The following PTPRQ variants were observed in gnomAD, a reference collection of about 807,000 sequenced individuals.
PTPRQ encodes protein tyrosine phosphatase receptor type Q, also known as phosphatidylinositol phosphatase PTPRQ.
In PTPRQ, 199 loss-of-function variants were observed where a neutral mutation model predicts 246.0. The observed-to-expected ratio is 0.81, with a 90% confidence interval of 0.72 to 0.91. The LOEUF (loss-of-function observed/expected upper bound fraction) is 0.91, where lower values mean the gene tolerates loss of function less well. Among genes scored for constraint, PTPRQ ranks in the 40% least tolerant of loss-of-function variants. PTPRQ has a pLI of 0.00. For synonymous variants in PTPRQ, 869 were observed against 853.2 expected (o/e 1.02, Z -0.32); for missense variants, 2,624 against 2,528.4 (o/e 1.04, Z -0.81).
chr12:80,588,425 T>C lies in PTPRQ; in HGVS notation c.4582T>C (p.Trp1528Arg), dbSNP rs1897688959. 2 of 1,492,830 alleles carry C rather than the reference T, an allele frequency of 1.3e-6. No individual in the cohort carries two copies. The highest frequency in any genetic ancestry group is 2.5e-5 in the East Asian group (1 of 40,444). The allele number at this position is 1,492,830 out of a possible 1,614,324, so 92.5% of individuals were successfully genotyped here. ...TGCTGGCTATGGCAATGCTTCAAAC[T>C]GGATTTCTACAAAAACTCTGCCTGG... is the stretch of plus-strand genomic sequence containing the variant. ...TNAGYGNASN[W>R]ISTKTLPGPP... The change falls in exon 26 of 45, where the codon TGG (tryptophan) becomes CGG (arginine). Residue 1528 changes from tryptophan (W) to arginine (R), a missense_variant. By Grantham distance (101) the Trp-to-Arg change is moderately radical. Coordinates refer to ENST00000644991, the MANE Select transcript of PTPRQ (RefSeq NM_001145026.2).
chr12:80,477,802 G>A (rs1270903050), intron 8 of PTPRQ, among the ~76,000 whole-genome samples: 4 of 152,186 alleles, frequency 2.6e-5, no homozygotes, highest in Non-Finnish European at 4.4e-5. Flanking sequence ...ACTCCGACCC[G>A]AATACTGCGC....
At chr12:80,469,645 A>G (rs1893560987) in intron 7 of PTPRQ, among the ~76,000 whole-genome samples, 1 of 152,210 alleles carries the variant, frequency 6.6e-6, no homozygotes, top group Admixed American at 6.5e-5. Flanking sequence ...TGAATCACTC[A>G]TCACCATCAT....
intron 4 of PTPRQ, among the ~76,000 whole-genome samples, chr12:80,458,640 C>T (rs1021309389): frequency 2.0e-5 from 3 of 151,772 alleles, no homozygotes; most frequent in Admixed American, 6.6e-5. Context: ...TTTACTCTAT[C>T]AGTTTTACAC....
chr12:80,623,738 C>T, intron 33 of PTPRQ, among the ~76,000 whole-genome samples: 1 of 152,104 alleles, frequency 6.6e-6, no homozygotes, highest in Non-Finnish European at 1.5e-5. Context: ...CATCAACTTA[C>T]TGGTTTCATA....
At chr12:80,591,214 C>A (rs921984071) in intron 26 of PTPRQ, among the ~76,000 whole-genome samples, 2 of 150,626 alleles carry the variant, frequency 1.3e-5, no homozygotes, top group South Asian at 4.2e-4. Context: ...CAGCCTCGAC[C>A]TCCTGGGCTC....
Position 80,652,624 on chromosome 12 carries a change from A to G in PTPRQ, c.6025-120A>G, listed in dbSNP as rs988013855. ...ACTTGACCTTGTTTCCACAGTTATG[A>G]TAGGTGTTTTTAATTTAAAAATTAA... On this transcript the variant is annotated intron_variant, in intron 37 of 44. Coordinates refer to ENST00000644991, the MANE Select transcript of PTPRQ (RefSeq NM_001145026.2). 2.0e-4 allele frequency: 196 copies of G among 962,836 alleles called. No homozygotes were observed. The Middle Eastern group carries it at 2.1e-3, about 10-fold the overall frequency. 59.6% of individuals were successfully genotyped at this position (962,836 alleles called of 1,614,324 possible). A position where few individuals can be genotyped will look rare whatever the true frequency, so the allele number is the denominator to read the frequency against.
chr12:80,493,569 G>A (rs1266038823), intron 10 of PTPRQ, 114 bp downstream of exon 10: 9 of 1,361,954 alleles, frequency 6.6e-6, no homozygotes, highest in Non-Finnish European at 7.6e-6. Context: ...TTGGGCTGGA[G>A]TCGGATTTTT....
At chr12:80,456,222 G>GT (rs1168256127) in intron 3 of PTPRQ, among the ~76,000 whole-genome samples, 1 of 152,100 alleles carries the variant, frequency 6.6e-6, no homozygotes, top group Non-Finnish European at 1.5e-5. Flanking sequence ...TTGCCAGGAA[G>GT]TTTTTTCTTA....
rs1170736658 is a variant in PTPRQ, at chr12:80,452,958, T to C, written c.391-4617T>C. 3.3e-5 allele frequency among the ~76,000 whole-genome samples: 5 copies of C among 152,234 alleles called. No homozygotes were observed. In the South Asian group the frequency reaches 1.0e-3, roughly 32 times the overall value. On this transcript the variant is annotated intron_variant, in intron 3 of 44. Coordinates refer to ENST00000644991, the MANE Select transcript of PTPRQ (RefSeq NM_001145026.2). ...TTCTCCTGGATAATATCCTGCACAGTGTTTTCCAACTTGGTTTCATTCTCC... is the reference window on the plus strand; with the variant it reads ...TTCTCCTGGATAATATCCTGCACAGCGTTTTCCAACTTGGTTTCATTCTCC...
intron 17 of PTPRQ, among the ~76,000 whole-genome samples, chr12:80,531,912 T>C (rs988299163): frequency 6.6e-6 from 1 of 152,160 alleles, no homozygotes; most frequent in Non-Finnish European, 1.5e-5. Context: ...ACTATGTTTT[T>C]ATTAACATAA....
At chr12:80,607,019 C>A (rs886344280) in intron 27 of PTPRQ, among the ~76,000 whole-genome samples, 4 of 150,918 alleles carry the variant, frequency 2.7e-5, no homozygotes, top group African/African-American at 9.7e-5. Context: ...ATTCTTGTAG[C>A]CTTCTTGCTG....
intron 25 of PTPRQ, among the ~76,000 whole-genome samples, chr12:80,564,948 G>C (rs898025446): frequency 6.6e-6 from 1 of 152,028 alleles, no homozygotes; most frequent in Non-Finnish European, 1.5e-5. Context: ...CATTTATAAT[G>C]TGAGTATATA....
intron 17 of PTPRQ, among the ~76,000 whole-genome samples, chr12:80,511,830 T>C (rs1895135462): frequency 6.6e-6 from 1 of 152,098 alleles, no homozygotes; most frequent in African/African-American, 2.4e-5. Flanking sequence ...AGGGTAACAG[T>C]GGGGACAGGA....
In PTPRQ at chr12:80,493,326, G is replaced by T. The variant is rs911394168; in HGVS notation, c.1411G>T (p.Val471Leu). 3.2e-6 allele frequency: 5 copies of T among 1,548,718 alleles called. No individual in the cohort carries two copies. In the African/African-American group the frequency reaches 6.9e-5, roughly 21 times the overall value. ...AATTGTGAACATAGTAGAGCCAATG[G>T]TAGGATTATATGAGGGTTCAGCAGA... ...PEIVNIVEPM[V>L]GLYEGSAEMS... The change falls in exon 10 of 45, where the codon GTA (valine) becomes TTA (leucine). Residue 471 changes from valine to leucine, a missense_variant. Transcript: ENST00000644991.
At chr12:80,563,593 T>C (rs1315857874) in intron 25 of PTPRQ, among the ~76,000 whole-genome samples, 1 of 152,180 alleles carries the variant, frequency 6.6e-6, no homozygotes, top group East Asian at 1.9e-4. Flanking sequence ...GTACGTCTGT[T>C]ATTGCCAGGT....
rs150327846 is a variant in PTPRQ, at chr12:80,656,957, C to T, written c.6116-1028C>T. Among the ~76,000 whole-genome samples, 475 of 142,332 alleles carry T rather than the reference C, an allele frequency of 3.3e-3. 5 individuals carry two copies. Among genetic ancestry groups the T allele is most frequent in the African/African-American group, 0.012 (466 of 39,166 alleles). 93.4% of individuals were successfully genotyped at this position (142,332 alleles called of 152,430 possible). A position where few individuals can be genotyped will look rare whatever the true frequency, so the allele number is the denominator to read the frequency against. On this transcript the variant is annotated intron_variant, in intron 38 of 44. Transcript: ENST00000644991. Reference sequence around the variant, plus strand: ...AAATCCATGAAATTTTCAGAAGAAACAGAATTTGTAAAATAATAATAATTT... The same window carrying T: ...AAATCCATGAAATTTTCAGAAGAAATAGAATTTGTAAAATAATAATAATTT...
chr12:80,510,565 G>A, intron 17 of PTPRQ, 122 bp downstream of exon 17: 1 of 990,890 alleles, frequency 1.0e-6, no homozygotes, highest in Non-Finnish European at 1.3e-6. Context: ...TAATAGGCTA[G>A]TTAATATGTT....
intron 8 of PTPRQ, among the ~76,000 whole-genome samples, chr12:80,477,561 C>A (rs1437122019): frequency 6.6e-6 from 1 of 152,204 alleles, no homozygotes; most frequent in Non-Finnish European, 1.5e-5. Flanking sequence ...CTCCAGTCTA[C>A]AGCTCCCAGC....
intron 26 of PTPRQ, among the ~76,000 whole-genome samples, chr12:80,591,610 A>C (rs1479298435): frequency 6.6e-6 from 1 of 152,214 alleles, no homozygotes; most frequent in Admixed American, 6.5e-5. Context: ...GAAAAAATTC[A>C]GTTTACTTTG....
Sources: gnomAD v4.1 joint callset for allele counts (sites outside exome capture counted in the v4.1 genomes callset) on GRCh38, gnomAD v4.1.1 for gene constraint, MANE v1.5 for transcripts, NCBI Gene and HGNC (gene_info 2026-07-23, HGNC 2026-07-21) for gene names.